PXDC1: variants seen among roughly 807,000 people sequenced by gnomAD.
PXDC1 encodes the protein PX domain-containing protein 1.
A neutral mutation model predicts 24.4 loss-of-function variants in PXDC1; 13 were observed. That is an observed-to-expected ratio of 0.53 (90% confidence interval 0.35 to 0.85). PXDC1 has a LOEUF of 0.85. Among genes scored for constraint, PXDC1 ranks in the 40% least tolerant of loss-of-function variants. The probability of loss-of-function intolerance (pLI) is 0.01; values close to 1 mark genes in which losing one functional copy is unlikely to be tolerated. For synonymous variants in PXDC1, 162 were observed against 124.9 expected (o/e 1.30, Z -1.98); for missense variants, 344 against 309.3 (o/e 1.11, Z -0.84).
rs1760128455 is a variant in PXDC1 at position 3,728,770 on chromosome 6, G to A, written c.467-1108C>T. ...GTCCATCTAGGTATAAAAAGCTGCA[G>A]CGTTCGTTTGTATTTTCTGAGGGAC... On this transcript the variant is annotated intron_variant, in intron 3 of 4. Transcript: ENST00000380283. This position sits in a 1 kb window ranked among gnomAD's most constrained non-coding sequence, Gnocchi z 4.0. 6.6e-6 allele frequency among the ~76,000 whole-genome samples: 1 copy of A among 152,154 alleles called. No individual in the cohort carries two copies. The highest frequency in any genetic ancestry group is 1.5e-5 in the Non-Finnish European group (1 of 68,036).
chr6:3,742,608 T>G (rs1189957033), intron 1 of PXDC1, among the ~76,000 whole-genome samples: 1 of 152,202 alleles, frequency 6.6e-6, no homozygotes, highest in East Asian at 1.9e-4. Flanking sequence ...TGGCGTTCAC[T>G]GCAACGCACG....
intron 1 of PXDC1, among the ~76,000 whole-genome samples, chr6:3,744,444 A>G (rs1292671888): frequency 6.7e-6 from 1 of 149,598 alleles, no homozygotes; most frequent in Non-Finnish European, 1.5e-5. Flanking sequence ...GATGCACAGC[A>G]GGGGATCCCC....
At chr6:3,741,271 G>A (rs1303123855) in intron 1 of PXDC1, among the ~76,000 whole-genome samples, 1 of 152,198 alleles carries the variant, frequency 6.6e-6, no homozygotes, top group Non-Finnish European at 1.5e-5. Context: ...CCTTTCACCT[G>A]CTTTTATGTT....
chr6:3,738,212 A>G, intron 1 of PXDC1, 64 bp from the exon 2 acceptor site: 2 of 1,246,380 alleles, frequency 1.6e-6, no homozygotes, highest in Non-Finnish European at 2.4e-6. Context: ...TCCCAATGCA[A>G]TACACAACAG....
Position 3,723,081 on chromosome 6 carries a change from G to GAA in PXDC1, c.*536_*537dup. 7.2e-6 allele frequency: 1 copy of GAA among 139,212 alleles called. No homozygotes were observed. The highest frequency in any genetic ancestry group is 1.6e-5 in the Non-Finnish European group (1 of 63,674). The allele number at this position is 139,212 out of a possible 1,614,324, so 8.6% of individuals were successfully genotyped here. On this transcript the variant is annotated 3_prime_UTR_variant, in exon 5 of 5. Coordinates refer to ENST00000380283, the MANE Select transcript of PXDC1 (RefSeq NM_183373.4). Reference sequence around the variant, plus strand: ...CCAGTTTCCAGATAAAAGATAAAAAGAAAAAAAAAAAGGCCACATATCCCA... The same window carrying GAA: ...CCAGTTTCCAGATAAAAGATAAAAAGAAAAAAAAAAAAAGGCCACATATCCCA...
intron 1 of PXDC1, among the ~76,000 whole-genome samples, chr6:3,739,727 A>G (rs1422324561): frequency 6.6e-6 from 1 of 152,252 alleles, no homozygotes; most frequent in Admixed American, 6.5e-5. Context: ...CAACAAAAGT[A>G]CCAGACTCTC....
At chr6:3,743,391 G>A (rs969899679) in intron 1 of PXDC1, among the ~76,000 whole-genome samples, 1 of 152,014 alleles carries the variant, frequency 6.6e-6, no homozygotes, top group Admixed American at 6.6e-5. Flanking sequence ...CATTTATATT[G>A]TTTCCTTTCC....
chr6:3,750,882 C>G (rs916134993), intron 1 of PXDC1, among the ~76,000 whole-genome samples: 3 of 152,122 alleles, frequency 2.0e-5, no homozygotes, highest in African/African-American at 7.2e-5. Flanking sequence ...GACGCTTTCC[C>G]AGTGCGCCCG....
intron 1 of PXDC1, among the ~76,000 whole-genome samples, chr6:3,750,557 G>A (rs1760681259): frequency 6.6e-6 from 1 of 152,186 alleles, no homozygotes; most frequent in South Asian, 2.1e-4. Flanking sequence ...AGAAAGATCG[G>A]GCAGAGCGGT....
intron 1 of PXDC1, among the ~76,000 whole-genome samples, chr6:3,745,816 T>C (rs1007632522): frequency 5.9e-5 from 9 of 152,220 alleles, no homozygotes; most frequent in African/African-American, 2.2e-4. Flanking sequence ...CCTCCCCCTC[T>C]GCACCCGCTG....
At chr6:3,740,118 T>C (rs910305858) in intron 1 of PXDC1, among the ~76,000 whole-genome samples, 11 of 152,250 alleles carry the variant, frequency 7.2e-5, no homozygotes, top group African/African-American at 2.4e-4. Flanking sequence ...GCAAAGTCAA[T>C]GTATCCAGCA....
chr6:3,730,512 G>A (rs1760171807), intron 3 of PXDC1, among the ~76,000 whole-genome samples: 1 of 150,560 alleles, frequency 6.6e-6, no homozygotes, highest in African/African-American at 2.4e-5. Context: ...CACGTCCACA[G>A]TTTAAAAAAA....
chr6:3,738,251 T>C (rs1165668379), intron 1 of PXDC1, 103 bp from the exon 2 acceptor site: 11 of 826,852 alleles, frequency 1.3e-5, no homozygotes, highest in East Asian at 2.4e-5. Context: ...GGTCGTCATC[T>C]GTAATGAGAT....
chr6:3,748,218 G>A (rs767762708), intron 1 of PXDC1, among the ~76,000 whole-genome samples: 2 of 152,184 alleles, frequency 1.3e-5, no homozygotes, highest in Non-Finnish European at 2.9e-5. Flanking sequence ...TAAGAGTCTG[G>A]AAAACACAAG....
chr6:3,732,183 C>T (rs913171921), intron 3 of PXDC1, among the ~76,000 whole-genome samples: 6 of 152,208 alleles, frequency 3.9e-5, no homozygotes, highest in Non-Finnish European at 7.3e-5. Context: ...GCCCCACAAA[C>T]GTCACAACCC....
chr6:3,748,465 C>G (rs1358484269), intron 1 of PXDC1, among the ~76,000 whole-genome samples: 1 of 152,170 alleles, frequency 6.6e-6, no homozygotes, highest in South Asian at 2.1e-4. Context: ...CTAGTGAGCA[C>G]TGTGCCTCCA....
intron 3 of PXDC1, among the ~76,000 whole-genome samples, chr6:3,733,656 C>A (rs532119038): frequency 6.6e-6 from 1 of 152,128 alleles, no homozygotes; most frequent in Non-Finnish European, 1.5e-5. Flanking sequence ...GAGGCCATAC[C>A]GCCTGCCGCC....
chr6:3,727,698 G>A lies in PXDC1; in HGVS notation c.467-36C>T, dbSNP rs138886368. The A allele has an allele frequency of 4.7e-4, 673 of 1,425,216 alleles. 5 individuals carry two copies. The African/African-American group carries it at 8.8e-3, about 19-fold the overall frequency. The allele number at this position is 1,425,216 out of a possible 1,614,324, so 88.3% of individuals were successfully genotyped here. A position where few individuals can be genotyped will look rare whatever the true frequency, so the allele number is the denominator to read the frequency against. ...AAGCAACAAGGTGAGTCCTCAGGAG[G>A]GGTCGGAGCTTGAGGTTTTGGAGTT... On this transcript the variant is annotated intron_variant, in intron 3 of 4. Coordinates refer to ENST00000380283, the MANE Select transcript of PXDC1 (RefSeq NM_183373.4).
intron 3 of PXDC1, among the ~76,000 whole-genome samples, chr6:3,733,208 G>A (rs1197102900): frequency 2.0e-5 from 3 of 152,116 alleles, no homozygotes; most frequent in Admixed American, 6.5e-5. Context: ...AAAGGGGGAC[G>A]CATGAGAGAA....
Sources: gnomAD v4.1 joint callset for allele counts (sites outside exome capture counted in the v4.1 genomes callset) on GRCh38, gnomAD v4.1.1 for gene constraint, Gnocchi (gnomAD v3.1) non-coding constraint, MANE v1.5 for transcripts, NCBI Gene and HGNC (gene_info 2026-07-23, HGNC 2026-07-21) for gene names.